IQCH: variants seen among roughly 807,000 people sequenced by gnomAD.
IQCH encodes the protein IQ motif containing H.
A neutral mutation model predicts 117.0 loss-of-function variants in IQCH; 98 were observed. The ratio of observed to expected loss-of-function variants is 0.84; its 90% CI spans 0.71 to 0.99. The LOEUF is 0.99. Ranked by LOEUF, IQCH falls within the 50% of genes least tolerant of loss-of-function variation. The pLI is 0.00. For synonymous variants in IQCH, 412 were observed against 448.2 expected, an observed-to-expected ratio of 0.92 and a Z score of 1.02; for missense variants, 1,102 against 1,243.8, an observed-to-expected ratio of 0.89 and a Z score of 1.72.
intron 14 of IQCH, 53 bp downstream of exon 14, chr15:67,400,358 C>T (rs773643334): frequency 8.6e-5 from 118 of 1,377,544 alleles, no homozygotes; most frequent in Admixed American, 1.1e-4. Context: ...AGTTAGGGGA[C>T]GAAGCAAAAA....
rs1352484668 is a variant in IQCH at position 67,427,868 on chromosome 15, G to A, written c.2505+6291G>A. Among the ~76,000 whole-genome samples the A allele has an allele frequency of 7.1e-6, 1 of 140,916 alleles. No individual in the cohort carries two copies. Among genetic ancestry groups the A allele is most frequent in the Non-Finnish European group, 1.5e-5 (1 of 65,636 alleles). The allele number at this position is 140,916 out of a possible 152,430, so 92.4% of individuals were successfully genotyped here. On this transcript the variant is annotated intron_variant, in intron 16 of 20. Transcript: ENST00000335894. This position sits in a 1 kb window ranked among gnomAD's most constrained non-coding sequence, Gnocchi z 4.7. The stretch of plus-strand genomic sequence containing the variant: ...TTTTGAAGCAGAATCTCCCTGTGTT[G>A]CCCAGGCTGGAGTGCAGTGGCATGA...
chr15:67,263,102 C>T lies in IQCH; in HGVS notation c.175-20C>T, dbSNP rs200214835. 56 of 1,293,188 alleles carry T rather than the reference C, an allele frequency of 4.3e-5. No homozygotes were observed. In the East Asian group the frequency reaches 8.3e-4, roughly 19 times the overall value. 80.1% of individuals were successfully genotyped at this position (1,293,188 alleles called of 1,614,324 possible). On this transcript the variant is annotated intron_variant, in intron 2 of 20. Coordinates refer to ENST00000335894, the MANE Select transcript of IQCH (RefSeq NM_001031715.3). ...CTTAAGTCCACAATAATTGCCTAAA[C>T]TTTGACATTTCTGTAACAGATTCAC...
chr15:67,279,940 C>T (rs1008654721), intron 4 of IQCH, among the ~76,000 whole-genome samples: 18 of 151,786 alleles, frequency 1.2e-4, no homozygotes, highest in African/African-American at 3.9e-4. Flanking sequence ...GGCGTGAACC[C>T]GGGAGGCGGA....
intron 4 of IQCH, among the ~76,000 whole-genome samples, chr15:67,329,395 A>T (rs1409367845): frequency 1.3e-5 from 2 of 152,198 alleles, no homozygotes; most frequent in African/African-American, 4.8e-5. Flanking sequence ...ATCTCCATAT[A>T]TTAATTCATT....
intron 15 of IQCH, among the ~76,000 whole-genome samples, chr15:67,418,070 C>T (rs2081621151): frequency 6.6e-6 from 1 of 152,062 alleles, no homozygotes; most frequent in Non-Finnish European, 1.5e-5. Context: ...CCATTATCAC[C>T]CTCATTTTAT....
At chr15:67,320,903 G>T (rs1596173995) in intron 4 of IQCH, among the ~76,000 whole-genome samples, 1 of 152,282 alleles carries the variant, frequency 6.6e-6, no homozygotes, top group Non-Finnish European at 1.5e-5. Flanking sequence ...ATACCATTAA[G>T]CCACCTGGAG....
chr15:67,360,219 A>C (rs1172382035), intron 8 of IQCH: 3 of 307,676 alleles, frequency 9.8e-6, no homozygotes, highest in African/African-American at 6.6e-5. Context: ...ACACTTAAAA[A>C]GAAATAAAAT....
chr15:67,465,221 T>G lies in IQCH; in HGVS notation c.2600T>G (p.Leu867Trp), dbSNP rs780965032. ...YLTNGHLDCSLSTLEVPRFVP... is the reference protein window; with the variant it reads ...YLTNGHLDCSWSTLEVPRFVP... ...ACAAACGGCCATCTGGATTGCAGTT[T>G]GAGCACCCTGGAAGTGCCCCGCTTT... Residue 867 changes from leucine (L) to tryptophan (W), a missense_variant, in exon 17 of 21, where the codon TTG becomes TGG. Leu to Trp is a moderately conservative substitution (Grantham distance 61). Coordinates refer to ENST00000335894, the MANE Select transcript of IQCH (RefSeq NM_001031715.3). The surrounding 1 kb of genome is among the most constrained non-coding windows in gnomAD (Gnocchi z 5.9). The G allele has an allele frequency of 2.5e-6, 4 of 1,614,026 alleles. No homozygotes were observed. The highest frequency in any genetic ancestry group is 3.3e-5 in the Admixed American group (2 of 59,998).
rs143999488 is a variant in IQCH, at chr15:67,256,588, C to T, written c.51+1641C>T. On this transcript the variant is annotated intron_variant, in intron 1 of 20. Transcript: ENST00000335894. ...GAGATCACCTCCCAGTAGCCAGGAG[C>T]GAAGACTGGACCCCTCTTTGGGTAA... Among the ~76,000 whole-genome samples, 1,484 of 152,300 alleles carry T rather than the reference C, an allele frequency of 9.7e-3. 14 individuals are homozygous for T. The highest frequency in any genetic ancestry group is 0.012 in the Non-Finnish European group (844 of 68,020).
rs2083634680 is a variant in IQCH at position 67,490,874 on chromosome 15, G to T, written c.2861+810G>T. Among the ~76,000 whole-genome samples the T allele has an allele frequency of 6.6e-6, 1 of 152,206 alleles. No homozygotes were observed. The highest frequency in any genetic ancestry group is 2.1e-4 in the South Asian group (1 of 4,828). Reference sequence around the variant, plus strand: ...CTCGGAGGCTTCCGCACTTCTCCCAGATTTCCCTCTGGGATATTTTGGAGC... The same window carrying T: ...CTCGGAGGCTTCCGCACTTCTCCCATATTTCCCTCTGGGATATTTTGGAGC... On this transcript the variant is annotated intron_variant, in intron 19 of 20. Transcript: ENST00000335894. The surrounding 1 kb of genome is among the most constrained non-coding windows in gnomAD (Gnocchi z 4.9).
chr15:67,487,223 C>G (rs2083508096), intron 18 of IQCH, among the ~76,000 whole-genome samples: 1 of 152,178 alleles, frequency 6.6e-6, no homozygotes, highest in African/African-American at 2.4e-5. Context: ...GTCCCAGCTA[C>G]TTGGGAGGCT....
chr15:67,268,140 A>G (rs888096204), intron 3 of IQCH, among the ~76,000 whole-genome samples: 6 of 152,176 alleles, frequency 3.9e-5, no homozygotes, highest in African/African-American at 1.4e-4. Context: ...AAAATCAGAA[A>G]GCCTAATTGT....
rs1471170264 is a variant in IQCH at position 67,424,665 on chromosome 15, A to G, written c.2505+3088A>G. 6.6e-6 allele frequency among the ~76,000 whole-genome samples: 1 copy of G among 152,194 alleles called. No homozygotes were observed. Among genetic ancestry groups the G allele is most frequent in the African/African-American group, 2.4e-5 (1 of 41,454 alleles). On this transcript the variant is annotated intron_variant, in intron 16 of 20. Transcript: ENST00000335894. This position sits in a 1 kb window ranked among gnomAD's most constrained non-coding sequence, Gnocchi z 4.9. Reference sequence around the variant, plus strand: ...TGCAAGGCTTTTGAAGAAGGAGCTCAAACATTCATTGGATGAATGGGATAG... The same window carrying G: ...TGCAAGGCTTTTGAAGAAGGAGCTCGAACATTCATTGGATGAATGGGATAG...
At position 67,356,253 on chromosome 15, in the gene IQCH, G is replaced by A. The variant is rs1969886226; in HGVS notation, c.638-1092G>A. Among the ~76,000 whole-genome samples the A allele has an allele frequency of 6.6e-6, 1 of 152,150 alleles. No homozygotes were observed. The highest frequency in any genetic ancestry group is 1.5e-5 in the Non-Finnish European group (1 of 68,036). ...AAAATGGGGTCTTCATACACTACTG[G>A]CCAGGGGATAGTGAGGACTACAAGT... On this transcript the variant is annotated intron_variant, in intron 6 of 20. Transcript: ENST00000335894. The surrounding 1 kb of genome is among the most constrained non-coding windows in gnomAD (Gnocchi z 5.3).
At position 67,456,868 on chromosome 15, in the gene IQCH, C is replaced by T. The variant is rs1413180820; in HGVS notation, c.2506-8259C>T. Among the ~76,000 whole-genome samples, 1 of 152,102 alleles carries T rather than the reference C, an allele frequency of 6.6e-6. No individual in the cohort carries two copies. Among genetic ancestry groups the T allele is most frequent in the Non-Finnish European group, 1.5e-5 (1 of 68,014 alleles). On this transcript the variant is annotated intron_variant, in intron 16 of 20. Transcript: ENST00000335894. The surrounding 1 kb of genome is among the most constrained non-coding windows in gnomAD (Gnocchi z 5.1). ...GGTTTGCAGCCTCTTACCCCACCCA[C>T]TCCAAACACCCCATAGAAGGCAGTG...
At chr15:67,440,651 C>T (rs925914908) in intron 16 of IQCH, among the ~76,000 whole-genome samples, 8 of 152,228 alleles carry the variant, frequency 5.3e-5, no homozygotes, top group Admixed American at 3.9e-4. Context: ...AAAAAGCATT[C>T]GACAAAATCC....
At chr15:67,302,885 A>G (rs1469238357) in intron 4 of IQCH, among the ~76,000 whole-genome samples, 1 of 152,132 alleles carries the variant, frequency 6.6e-6, no homozygotes, top group Non-Finnish European at 1.5e-5. Flanking sequence ...ACAACAAAAA[A>G]CCATGCTATT....
At chr15:67,297,597 G>A (rs978534289) in intron 4 of IQCH, among the ~76,000 whole-genome samples, 8 of 151,976 alleles carry the variant, frequency 5.3e-5, no homozygotes, top group African/African-American at 1.2e-4. Flanking sequence ...CCATCATGCC[G>A]AAAACTTAAC....
chr15:67,467,787 AAGG>A lies in IQCH; in HGVS notation c.2676+2493_2676+2495del, dbSNP rs1231167521. Among the ~76,000 whole-genome samples the A allele has an allele frequency of 3.9e-5, 6 of 152,244 alleles. No homozygotes were observed. Among genetic ancestry groups the A allele is most frequent in the African/African-American group, 1.2e-4 (5 of 41,462 alleles). ...AGTTGACAGCCCCCTTTGAAGACTG[AAGG>A]AGAAGAAAATGCACAGATGAAACCA... is the stretch of plus-strand genomic sequence containing the variant. On this transcript the variant is annotated intron_variant, in intron 17 of 20. Coordinates refer to ENST00000335894, the MANE Select transcript of IQCH (RefSeq NM_001031715.3). The surrounding 1 kb of genome is among the most constrained non-coding windows in gnomAD (Gnocchi z 5.7).
Sources: gnomAD v4.1 joint callset for allele counts (sites outside exome capture counted in the v4.1 genomes callset) on GRCh38, gnomAD v4.1.1 for gene constraint, Gnocchi (gnomAD v3.1) non-coding constraint, MANE v1.5 for transcripts, NCBI Gene and HGNC (gene_info 2026-07-23, HGNC 2026-07-21) for gene names.